SUMF1: variants seen among roughly 807,000 people sequenced by gnomAD.
SUMF1 encodes the protein sulfatase modifying factor 1.
Under a neutral mutation model 47.6 loss-of-function variants are expected in SUMF1, and 48 were observed. The ratio of observed to expected loss-of-function variants is 1.01; its 90% confidence interval spans 0.80 to 1.28. The LOEUF is 1.28. Ranked by LOEUF, SUMF1 falls within the 50% of genes most tolerant of loss-of-function variation. The pLI is 0.00. For synonymous variants in SUMF1, 230 were observed against 192.1 expected (o/e 1.20, Z -1.63); for missense variants, 571 against 485.4 (o/e 1.18, Z -1.66).
At chr3:4,150,683 C>A (rs1694299206) in intron 8 of SUMF1, among the ~76,000 whole-genome samples, 1 of 151,586 alleles carries the variant, frequency 6.6e-6, no homozygotes, top group Admixed American at 6.6e-5. Context: ...CTATGCCAGG[C>A]TTCAACTTTA....
At chr3:4,386,650 T>C (rs1700682975) in intron 7 of SUMF1, among the ~76,000 whole-genome samples, 1 of 152,032 alleles carries the variant, frequency 6.6e-6, no homozygotes, top group East Asian at 1.9e-4. Flanking sequence ...TGAATAAGAG[T>C]TCTGGAAACA....
rs192990499 is a variant in SUMF1, at chr3:4,164,710, T to C, written c.1015-95965A>G. On this transcript the variant is annotated intron_variant and NMD_transcript_variant, in intron 8 of 12. Transcript: ENST00000448413. ...TGCCTGCTCCTCTTGGTCCCTATTA[T>C]AGAACACTGAGGTTGCCAGGTTTAA... 2.3e-3 allele frequency among the ~76,000 whole-genome samples: 343 copies of C among 152,264 alleles called. 5 individuals carry two copies. Among genetic ancestry groups the C allele is most frequent in the African/African-American group, 7.9e-3 (330 of 41,534 alleles).
chr3:4,102,431 C>G (rs1019053619), intron 8 of SUMF1, among the ~76,000 whole-genome samples: 2 of 152,126 alleles, frequency 1.3e-5, no homozygotes, highest in African/African-American at 4.8e-5. Flanking sequence ...TGAAATCCCA[C>G]AATAGCAGTA....
chr3:4,456,799 CGT>C (rs1311701657), intron 1 of SUMF1, among the ~76,000 whole-genome samples: 6 of 138,226 alleles, frequency 4.3e-5, no homozygotes, highest in East Asian at 2.1e-4. Context: ...TGTATATATA[CGT>C]GTATATATAT....
chr3:4,118,072 G>A (rs1693460443), intron 8 of SUMF1, among the ~76,000 whole-genome samples: 1 of 152,032 alleles, frequency 6.6e-6, no homozygotes, highest in African/African-American at 2.4e-5. Context: ...TATCAGGGCG[G>A]ATCTGGCAGA....
chr3:4,292,012 T>C (rs1697751869), intron 8 of SUMF1, among the ~76,000 whole-genome samples: 2 of 152,198 alleles, frequency 1.3e-5, no homozygotes, highest in South Asian at 4.1e-4. Context: ...GATCAGCCAA[T>C]AGCTTCATTC....
At chr3:4,160,658 G>A (rs190832739) in intron 8 of SUMF1, among the ~76,000 whole-genome samples, 3 of 151,936 alleles carry the variant, frequency 2.0e-5, no homozygotes, top group South Asian at 4.2e-4. Flanking sequence ...CAAAATTTCT[G>A]CTTGATTCTT....
At chr3:4,115,480 C>T (rs1693400765) in intron 8 of SUMF1, among the ~76,000 whole-genome samples, 1 of 152,046 alleles carries the variant, frequency 6.6e-6, no homozygotes, top group Non-Finnish European at 1.5e-5. Context: ...TGCCCTGTAA[C>T]ACACACCCAC....
At chr3:4,047,051 C>T (rs1170516026) in intron 9 of SUMF1, among the ~76,000 whole-genome samples, 2 of 152,006 alleles carry the variant, frequency 1.3e-5, no homozygotes, top group African/African-American at 2.4e-5. Context: ...GTATTTCTGC[C>T]TTATGAACTT....
intron 8 of SUMF1, among the ~76,000 whole-genome samples, chr3:4,259,671 G>A (rs749680283): frequency 1.8e-4 from 27 of 152,104 alleles, no homozygotes; most frequent in Non-Finnish European, 3.1e-4. Context: ...ACCAAGCAAT[G>A]AATAATTCTG....
At chr3:4,109,599 T>C (rs1463307301) in intron 8 of SUMF1, among the ~76,000 whole-genome samples, 1 of 152,120 alleles carries the variant, frequency 6.6e-6, no homozygotes, top group Non-Finnish European at 1.5e-5. Flanking sequence ...CATAGTCCCA[T>C]ATTTCTTGGA....
intron 1 of SUMF1, among the ~76,000 whole-genome samples, chr3:4,460,538 G>T (rs2079782552): frequency 6.6e-6 from 1 of 151,484 alleles, no homozygotes; most frequent in Non-Finnish European, 1.5e-5. Context: ...TCAAGGATCA[G>T]CTCCTCCAGG....
chr3:4,109,658 A>G (rs1220154039), intron 8 of SUMF1, among the ~76,000 whole-genome samples: 2 of 151,530 alleles, frequency 1.3e-5, no homozygotes, highest in African/African-American at 4.9e-5. Flanking sequence ...TTCCCTTCTC[A>G]CTTCATTTCA....
chr3:4,097,695 C>T (rs138273392), intron 8 of SUMF1, among the ~76,000 whole-genome samples: 2 of 152,138 alleles, frequency 1.3e-5, no homozygotes, highest in East Asian at 3.8e-4. Context: ...CTAGTAAAGA[C>T]TCTCCAGGAC....
intron 8 of SUMF1, among the ~76,000 whole-genome samples, chr3:4,260,561 T>C (rs1011625734): frequency 5.3e-5 from 8 of 152,072 alleles, no homozygotes; most frequent in African/African-American, 9.7e-5. Context: ...ACGTAGATCA[T>C]TGTCTTATTT....
intron 8 of SUMF1, among the ~76,000 whole-genome samples, chr3:4,367,116 A>C (rs955488081): frequency 3.3e-5 from 5 of 151,918 alleles, no homozygotes; most frequent in Admixed American, 2.6e-4. Flanking sequence ...GTGAGGTGTC[A>C]GTCTGCCCCT....
At chr3:4,416,347 G>T (rs568811540) in intron 6 of SUMF1, among the ~76,000 whole-genome samples, 3 of 152,184 alleles carry the variant, frequency 2.0e-5, no homozygotes, top group African/African-American at 7.2e-5. Context: ...ATACATTGGG[G>T]TTTATTTATG....
intron 8 of SUMF1, among the ~76,000 whole-genome samples, chr3:4,250,766 C>T (rs1232208052): frequency 6.6e-6 from 1 of 152,104 alleles, no homozygotes. Flanking sequence ...AGCCGAGATG[C>T]AATCATGTCT....
intron 8 of SUMF1, among the ~76,000 whole-genome samples, chr3:4,210,614 A>T (rs980687772): frequency 3.3e-5 from 5 of 151,570 alleles, no homozygotes; most frequent in South Asian, 2.1e-4. Context: ...ATGCACAAAA[A>T]TTTTTTTTTA....
Sources: allele counts gnomAD v4.1 joint callset (sites outside exome capture counted in the v4.1 genomes callset), GRCh38; gene constraint gnomAD v4.1.1; transcripts MANE v1.5; gene names NCBI Gene and HGNC (gene_info 2026-07-23, HGNC 2026-07-21).